The following SEM1 variants were observed in gnomAD, a reference collection of about 807,000 sequenced individuals.
The protein encoded by SEM1 is SEM1 26S proteasome subunit, also known as 26S proteasome complex subunit SEM1.
A neutral mutation model predicts 12.7 loss-of-function variants in SEM1; 3 were observed. The ratio of observed to expected loss-of-function variants is 0.24; its 90% CI spans 0.11 to 0.61. SEM1 has a LOEUF of 0.61. Among genes scored for constraint, SEM1 ranks in the 20% least tolerant of loss-of-function variants. The probability of loss-of-function intolerance (pLI) is 0.88; values close to 1 mark genes in which losing one functional copy is unlikely to be tolerated. For synonymous variants in SEM1, 30 were observed against 27.8 expected (o/e 1.08, Z -0.25); for missense variants, 59 against 81.3 (o/e 0.73, Z 1.06).
chr7:96,704,450 T>A (rs1445604146), intron 1 of SEM1, among the ~76,000 whole-genome samples: 1 of 152,152 alleles, frequency 6.6e-6, no homozygotes, highest in East Asian at 1.9e-4. Flanking sequence ...GTTAAGTAAC[T>A]AGCATGAGGT....
intron 2 of SEM1, among the ~76,000 whole-genome samples, chr7:96,637,051 G>A (rs1712183361): frequency 6.6e-6 from 1 of 152,066 alleles, no homozygotes; most frequent in African/African-American, 2.4e-5. Flanking sequence ...CACAGAAACA[G>A]TGAGTTTAAG....
At chr7:96,618,683 T>C (rs1202139263), downstream of SEM1, among the ~76,000 whole-genome samples, 1 of 152,170 alleles carries the variant, frequency 6.6e-6, no homozygotes, top group Non-Finnish European at 1.5e-5. Flanking sequence ...ATTGAAGCTT[T>C]TACACTTATT....
chr7:96,680,152 G>T (rs1156262320), intron 2 of SEM1, among the ~76,000 whole-genome samples: 1 of 152,078 alleles, frequency 6.6e-6, no homozygotes, highest in African/African-American at 2.4e-5. Context: ...GCCTCCTAGA[G>T]TTCCCAGGTG....
intron 1 of SEM1, chr7:96,695,989 T>C (rs1331586550): frequency 1.3e-5 from 2 of 152,006 alleles, no homozygotes; most frequent in African/African-American, 4.8e-5. Flanking sequence ...ATTTTTCATC[T>C]AATTATGATT....
At chr7:96,634,432 A>C (rs951389704) in intron 2 of SEM1, among the ~76,000 whole-genome samples, 2 of 151,922 alleles carry the variant, frequency 1.3e-5, no homozygotes, top group Non-Finnish European at 2.9e-5. Flanking sequence ...ACATTCATTC[A>C]TTTATTTAAA....
At chr7:96,551,268 C>T (rs887428277) in intron 2 of SEM1, among the ~76,000 whole-genome samples, 1 of 152,072 alleles carries the variant, frequency 6.6e-6, no homozygotes, top group Non-Finnish European at 1.5e-5. Flanking sequence ...CACCCATTCC[C>T]CTAAAGATAT....
intron 1 of SEM1, among the ~76,000 whole-genome samples, chr7:96,493,068 G>T (rs1402366424): frequency 6.6e-6 from 1 of 152,030 alleles, no homozygotes; most frequent in Non-Finnish European, 1.5e-5. Context: ...CTGCCTCCTG[G>T]GTTCAAGTGA....
At chr7:96,504,088 C>A (rs1803665590) in intron 3 of SEM1, among the ~76,000 whole-genome samples, 1 of 152,084 alleles carries the variant, frequency 6.6e-6, no homozygotes, top group African/African-American at 2.4e-5. Flanking sequence ...TTTGCACTTT[C>A]TTTTTAGAAA....
At chr7:96,544,738 A>G (rs1805056180) in intron 2 of SEM1, among the ~76,000 whole-genome samples, 1 of 152,048 alleles carries the variant, frequency 6.6e-6, no homozygotes, top group South Asian at 2.1e-4. Context: ...TATGTATAAT[A>G]TACTATATTC....
At chr7:96,693,294 CAAAT>C (rs1451518967) in intron 2 of SEM1, among the ~76,000 whole-genome samples, 3 of 151,792 alleles carry the variant, frequency 2.0e-5, no homozygotes, top group Non-Finnish European at 4.4e-5. Context: ...GTAGCCAAGA[CAAAT>C]AAATACAGCC....
chr7:96,584,685 C>G (rs1806546742), intron 2 of SEM1, among the ~76,000 whole-genome samples: 1 of 151,178 alleles, frequency 6.6e-6, no homozygotes, highest in South Asian at 2.1e-4. Flanking sequence ...TCTTTTTTCT[C>G]TAAACTTCCC....
chr7:96,597,014 A>T (rs1807017509), intron 2 of SEM1, among the ~76,000 whole-genome samples: 1 of 152,164 alleles, frequency 6.6e-6, no homozygotes, highest in Admixed American at 6.6e-5. Flanking sequence ...CTGGTATTGT[A>T]ACAGGAGAAT....
At chr7:96,557,019 C>G (rs922463879) in intron 2 of SEM1, among the ~76,000 whole-genome samples, 2 of 149,162 alleles carry the variant, frequency 1.3e-5, no homozygotes, top group African/African-American at 4.9e-5. Context: ...ACGTAGTTCT[C>G]GAGCCTTGGT....
intron 1 of SEM1, among the ~76,000 whole-genome samples, chr7:96,709,481 T>C (rs368271398): frequency 5.3e-5 from 8 of 152,252 alleles, no homozygotes; most frequent in African/African-American, 1.4e-4. Context: ...GCCGAAGCCA[T>C]TGGGCCTCAC....
At chr7:96,635,418 T>A (rs1225622283) in intron 2 of SEM1, among the ~76,000 whole-genome samples, 1 of 152,090 alleles carries the variant, frequency 6.6e-6, no homozygotes, top group Non-Finnish European at 1.5e-5. Flanking sequence ...AAGGCACAAA[T>A]GAGCATGTTA....
intron 2 of SEM1, chr7:96,647,425 T>A (rs1458903043): frequency 6.6e-6 from 1 of 152,204 alleles, no homozygotes; most frequent in African/African-American, 2.4e-5. Flanking sequence ...CAGCAAATAG[T>A]TACGTATGGT....
intron 2 of SEM1, among the ~76,000 whole-genome samples, chr7:96,540,751 C>G (rs1018822831): frequency 1.3e-5 from 2 of 151,648 alleles, no homozygotes; most frequent in Non-Finnish European, 3.0e-5. Flanking sequence ...TTCAACCCCC[C>G]AGTAGTTTCC....
chr7:96,619,715 G>C (rs766560110), downstream of SEM1, among the ~76,000 whole-genome samples: 1 of 151,968 alleles, frequency 6.6e-6, no homozygotes, highest in Non-Finnish European at 1.5e-5. Context: ...AGTCTGTGTT[G>C]GTATTGCTGG....
intron 2 of SEM1, among the ~76,000 whole-genome samples, chr7:96,674,238 T>C (rs1219194455): frequency 6.6e-6 from 1 of 152,210 alleles, no homozygotes; most frequent in Non-Finnish European, 1.5e-5. Flanking sequence ...GATCTATAAT[T>C]ATGGTCATCT....
Sources: gnomAD v4.1 joint callset for allele counts (sites outside exome capture counted in the v4.1 genomes callset) on GRCh38, gnomAD v4.1.1 for gene constraint, MANE v1.5 for transcripts, NCBI Gene and HGNC (gene_info 2026-07-23, HGNC 2026-07-21) for gene names.